Variants in CTNNA3 observed in about 807,000 individuals in gnomAD.
CTNNA3 encodes catenin alpha-3.
Under a neutral mutation model 95.7 loss-of-function variants are expected in CTNNA3, and 76 were observed. The ratio of observed to expected loss-of-function variants is 0.79; its 90% CI spans 0.66 to 0.96. The LOEUF (loss-of-function observed/expected upper bound fraction) is 0.96. CTNNA3 is among the 40% of genes least tolerant of loss of function. The probability of loss-of-function intolerance (pLI) is 0.00; values close to 1 mark genes in which losing one functional copy is unlikely to be tolerated. For missense variants in CTNNA3, 1,191 were observed against 1,089.8 expected (o/e 1.09, Z -1.31); for synonymous variants, 431 against 374.4 (o/e 1.15, Z -1.74).
chr10:67,233,141 C>G (rs576510319), intron 5 of CTNNA3, among the ~76,000 whole-genome samples: 2 of 151,716 alleles, frequency 1.3e-5, no homozygotes, highest in Non-Finnish European at 2.9e-5. Context: ...GAATTGAACT[C>G]AGCTCCGCAC....
intron 16 of CTNNA3, among the ~76,000 whole-genome samples, chr10:65,966,963 A>T (rs962314949): frequency 6.6e-6 from 1 of 152,012 alleles, no homozygotes; most frequent in Non-Finnish European, 1.5e-5. Context: ...ACGTTAAAAT[A>T]ATTATTTTTT....
chr10:66,142,726 A>G (rs941303786), intron 13 of CTNNA3, among the ~76,000 whole-genome samples: 1 of 152,118 alleles, frequency 6.6e-6, no homozygotes, highest in Non-Finnish European at 1.5e-5. Context: ...AGACATTTTA[A>G]GAATTAGAGA....
chr10:67,689,421 G>A (rs929482373), intron 1 of CTNNA3, among the ~76,000 whole-genome samples: 1 of 152,092 alleles, frequency 6.6e-6, no homozygotes, highest in Non-Finnish European at 1.5e-5. Flanking sequence ...GAGTCCTGAA[G>A]TTTATACTAG....
At chr10:66,161,487 G>A (rs183899811) in intron 13 of CTNNA3, among the ~76,000 whole-genome samples, 61 of 152,200 alleles carry the variant, frequency 4.0e-4, no homozygotes, top group African/African-American at 1.4e-3. Context: ...AAAATTCTTG[G>A]CTGATAATTG....
In CTNNA3 at chr10:66,269,368, T is replaced by C. The variant is rs531246428; in HGVS notation, c.1884+11102A>G. 3.9e-5 allele frequency among the ~76,000 whole-genome samples: 6 copies of C among 152,296 alleles called. No individual in the cohort carries two copies. In the South Asian group the frequency reaches 1.2e-3, roughly 32 times the overall value. On this transcript the variant is annotated intron_variant, in intron 13 of 17. Coordinates refer to ENST00000433211, the MANE Select transcript of CTNNA3 (RefSeq NM_013266.4). ...ATTGTCAATGTGAGTTTTTGGTAAA[T>C]GGGAGTCGTGAATTTAATCCCAAAC... is the stretch of plus-strand genomic sequence containing the variant.
intron 12 of CTNNA3, among the ~76,000 whole-genome samples, chr10:66,345,779 T>C (rs1589119888): frequency 6.6e-6 from 1 of 151,982 alleles, no homozygotes; most frequent in East Asian, 1.9e-4. Context: ...CATCTTGAAA[T>C]ATCCCACATC....
intron 5 of CTNNA3, among the ~76,000 whole-genome samples, chr10:67,278,690 A>T (rs757753376): frequency 6.6e-6 from 1 of 152,202 alleles, no homozygotes; most frequent in African/African-American, 2.4e-5. Flanking sequence ...GGATCTAGAA[A>T]GAAAGGAAGG....
intron 15 of CTNNA3, among the ~76,000 whole-genome samples, chr10:66,058,835 A>T (rs542859653): frequency 5.9e-5 from 9 of 152,202 alleles, no homozygotes; most frequent in Non-Finnish European, 1.0e-4. Context: ...ATATTAAGTA[A>T]CAGGATGAGG....
chr10:66,836,641 A>G (rs1037074375), intron 7 of CTNNA3, among the ~76,000 whole-genome samples: 7 of 152,162 alleles, frequency 4.6e-5, no homozygotes, highest in Non-Finnish European at 1.0e-4. Flanking sequence ...CAGATATCAA[A>G]TGTGACAAAC....
intron 1 of CTNNA3, among the ~76,000 whole-genome samples, chr10:67,757,119 T>G (rs1020269919): frequency 1.3e-5 from 2 of 152,226 alleles, no homozygotes; most frequent in Admixed American, 6.5e-5. Flanking sequence ...AGAAAACATC[T>G]GACAGAAACA....
At chr10:66,048,617 C>T (rs1056891322) in intron 15 of CTNNA3, among the ~76,000 whole-genome samples, 2 of 151,996 alleles carry the variant, frequency 1.3e-5, no homozygotes. Context: ...AAAAATTAGC[C>T]AGGCGTGCTG....
chr10:66,102,865 C>T (rs1049107780), intron 14 of CTNNA3, among the ~76,000 whole-genome samples: 3 of 152,066 alleles, frequency 2.0e-5, no homozygotes, highest in Non-Finnish European at 2.9e-5. Context: ...CTAGTCTAAG[C>T]AAACATGTAC....
chr10:66,679,243 AG>A (rs1011363879), intron 9 of CTNNA3, among the ~76,000 whole-genome samples: 16 of 152,322 alleles, frequency 1.1e-4, no homozygotes, highest in African/African-American at 3.8e-4. Context: ...CACACCAAGA[AG>A]GCAGAATTAC....
intron 15 of CTNNA3, among the ~76,000 whole-genome samples, chr10:66,043,567 T>G (rs1903864): frequency 6.6e-6 from 1 of 152,022 alleles, no homozygotes; most frequent in Admixed American, 6.5e-5. Flanking sequence ...CAGTCCCCAC[T>G]GACCTCTTAC....
intron 11 of CTNNA3, among the ~76,000 whole-genome samples, chr10:66,410,219 C>A (rs531493659): frequency 1.3e-3 from 199 of 152,216 alleles, no homozygotes; most frequent in South Asian, 3.5e-3. Context: ...AAAAGATCAG[C>A]CTTGACCTTG....
intron 15 of CTNNA3, among the ~76,000 whole-genome samples, chr10:66,040,844 T>C (rs1394316177): frequency 6.6e-6 from 1 of 152,074 alleles, no homozygotes; most frequent in Non-Finnish European, 1.5e-5. Context: ...TTATCTATAA[T>C]AACAAATCTG....
At chr10:66,275,422 G>A (rs576208381) in intron 13 of CTNNA3, among the ~76,000 whole-genome samples, 1 of 152,134 alleles carries the variant, frequency 6.6e-6, no homozygotes, top group South Asian at 2.1e-4. Context: ...TGCATTTGAA[G>A]CATGGACAGT....
intron 6 of CTNNA3, among the ~76,000 whole-genome samples, chr10:67,198,586 A>G (rs1428198359): frequency 6.6e-6 from 1 of 152,178 alleles, no homozygotes; most frequent in Admixed American, 6.5e-5. Context: ...ACATTCATCT[A>G]TTTCACAGTT....
chr10:67,157,504 C>T (rs2132080085), intron 7 of CTNNA3, among the ~76,000 whole-genome samples: 1 of 152,174 alleles, frequency 6.6e-6, no homozygotes, highest in Admixed American at 6.5e-5. Flanking sequence ...AAAAGGAGAA[C>T]ACATATCTCT....
Sources: allele counts gnomAD v4.1 joint callset (sites outside exome capture counted in the v4.1 genomes callset), GRCh38; gene constraint gnomAD v4.1.1; transcripts MANE v1.5; gene names NCBI Gene and HGNC (gene_info 2026-07-23, HGNC 2026-07-21).